The following CAMSAP2 variants were observed in gnomAD, a reference collection of about 807,000 sequenced individuals.
CAMSAP2 encodes calmodulin regulated spectrin associated protein family member 2, also known as calmodulin-regulated spectrin-associated protein 2.
In CAMSAP2, 26 loss-of-function variants were observed where a neutral mutation model predicts 146.1. The ratio of observed to expected loss-of-function variants is 0.18; its 90% CI spans 0.13 to 0.25. The LOEUF (loss-of-function observed/expected upper bound fraction) is 0.25, where lower values mean the gene tolerates loss of function less well. CAMSAP2 is among the 10% of genes least tolerant of loss of function. The pLI is 1.00. For missense variants in CAMSAP2, 1,381 were observed against 1,759.3 expected (o/e 0.78, Z 3.85); for synonymous variants, 499 against 596.6 (o/e 0.84, Z 2.38).
chr1:200,847,992 T>A, intron 10 of CAMSAP2, 40 bp from the exon 11 acceptor site: 2 of 1,299,900 alleles, frequency 1.5e-6, no homozygotes, highest in Non-Finnish European at 1.1e-6. Context: ...AAATCATTTC[T>A]AGGATTTTTA....
At chr1:200,771,427 A>G (rs1047755046) in intron 2 of CAMSAP2, among the ~76,000 whole-genome samples, 3 of 152,232 alleles carry the variant, frequency 2.0e-5, no homozygotes, top group African/African-American at 7.2e-5. Flanking sequence ...TGTTGATTAT[A>G]TTAAAAATTA....
At chr1:200,773,575 A>G (rs1188842557) in intron 2 of CAMSAP2, among the ~76,000 whole-genome samples, 1 of 152,178 alleles carries the variant, frequency 6.6e-6, no homozygotes, top group Non-Finnish European at 1.5e-5. Flanking sequence ...TAAAAAGATA[A>G]AAAGATTTCT....
At chr1:200,799,592 A>G (rs1665982596) in intron 2 of CAMSAP2, among the ~76,000 whole-genome samples, 1 of 151,970 alleles carries the variant, frequency 6.6e-6, no homozygotes, top group East Asian at 1.9e-4. Flanking sequence ...CTAGCAGTCT[A>G]TCTATTTTGT....
chr1:200,750,882 C>A (rs1664484093), intron 1 of CAMSAP2, among the ~76,000 whole-genome samples: 1 of 146,740 alleles, frequency 6.8e-6, no homozygotes, highest in Admixed American at 6.9e-5. Context: ...GGATTATAGG[C>A]ATGAGCCACC....
At chr1:200,766,661 G>C (rs191256640) in intron 2 of CAMSAP2, among the ~76,000 whole-genome samples, 1 of 149,318 alleles carries the variant, frequency 6.7e-6, no homozygotes, top group African/African-American at 2.4e-5. Flanking sequence ...ATTCTTTTTC[G>C]GTTTTTTTTC....
intron 13 of CAMSAP2, among the ~76,000 whole-genome samples, chr1:200,854,440 ACT>A (rs1196888085): frequency 2.0e-5 from 3 of 152,278 alleles, no homozygotes; most frequent in Admixed American, 6.5e-5. Context: ...TTTAAAGAGA[ACT>A]CTGTTTTCAA....
In CAMSAP2 at chr1:200,739,592, AC is replaced by A. The variant is rs1664085664; in HGVS notation, c.-235del. The A allele has an allele frequency of 4.2e-6, 1 of 236,156 alleles. No individual in the cohort carries two copies. Among genetic ancestry groups the A allele is most frequent in the African/African-American group, 2.3e-5 (1 of 42,996 alleles). The allele number at this position is 236,156 out of a possible 1,614,324, so 14.6% of individuals were successfully genotyped here. A position where few individuals can be genotyped will look rare whatever the true frequency, so the allele number is the denominator to read the frequency against. ...ACCTCGCGCGGACGGACGGACGGAG[AC>A]GGCGCCGCCACATTCCTATGCCCGG... On this transcript the variant is annotated 5_prime_UTR_variant, in exon 1 of 17. Coordinates refer to ENST00000358823, the MANE Select transcript of CAMSAP2 (RefSeq NM_203459.4). This position sits in a 1 kb window ranked among gnomAD's most constrained non-coding sequence, Gnocchi z 4.8.
In CAMSAP2 at chr1:200,848,607, A is replaced by G. The variant is rs1040332204; in HGVS notation, c.1838A>G (p.His613Arg). 5.6e-6 allele frequency: 9 copies of G among 1,614,000 alleles called. No homozygotes were observed. Among genetic ancestry groups the G allele is most frequent in the Non-Finnish European group, 7.6e-6 (9 of 1,179,962 alleles). ...TDNTEVDTGI[H>R]VPSEDIPETM... ...AATACTGAAGTAGACACTGGAATTCACGTTCCTTCAGAAGATATTCCTGAA... is the reference window on the plus strand; with the variant it reads ...AATACTGAAGTAGACACTGGAATTCGCGTTCCTTCAGAAGATATTCCTGAA... The change falls in exon 11 of 17, where the codon CAC (histidine) becomes CGC (arginine). Residue 613 changes from histidine (H) to arginine (R), a missense_variant. This residue lies in a region of CAMSAP2 where 447 missense variants were observed against 462.2 expected (regional missense o/e 0.97). Transcript: ENST00000358823.
At chr1:200,787,945 G>A (rs899269103) in intron 2 of CAMSAP2, among the ~76,000 whole-genome samples, 1 of 152,092 alleles carries the variant, frequency 6.6e-6, no homozygotes, top group East Asian at 1.9e-4. Context: ...AATTAAGTTA[G>A]GTACATTGGT....
intron 4 of CAMSAP2, among the ~76,000 whole-genome samples, chr1:200,820,655 T>G (rs1017191080): frequency 1.3e-5 from 2 of 152,160 alleles, no homozygotes; most frequent in African/African-American, 4.8e-5. Context: ...TATAACCCAC[T>G]TTTTTCTCCC....
rs758766397 is a variant in CAMSAP2 at position 200,744,980 on chromosome 1, T to TA, written c.139+5024dup. ...TTAAATTATCCTAAGCACATTGGAT[T>TA]AAAAAAAAAAGAAAAAATACTATTA... On this transcript the variant is annotated intron_variant, in intron 1 of 16. Transcript: ENST00000358823. Among the ~76,000 whole-genome samples, 662 of 148,522 alleles carry TA rather than the reference T, an allele frequency of 4.5e-3. 3 individuals carry two copies. Among genetic ancestry groups the TA allele is most frequent in the African/African-American group, 0.015 (609 of 40,576 alleles).
intron 2 of CAMSAP2, among the ~76,000 whole-genome samples, chr1:200,778,560 A>G (rs1665345775): frequency 6.6e-6 from 1 of 152,130 alleles, no homozygotes; most frequent in African/African-American, 2.4e-5. Flanking sequence ...TGATCATTTG[A>G]CTTTCCTCTC....
chr1:200,786,222 G>T (rs1665585443), intron 2 of CAMSAP2, among the ~76,000 whole-genome samples: 1 of 151,284 alleles, frequency 6.6e-6, no homozygotes, highest in Non-Finnish European at 1.5e-5. Flanking sequence ...ACTAATTTTT[G>T]CTTGTTTTCT....
rs1667650169 is a variant in CAMSAP2, at chr1:200,852,618, A to G, written c.3543A>G (p.Glu1181=). The part of the protein sequence containing the change: ...LLEKRLRREK[E]TQLRKQQLEA... ...AGAAAAGATTAAGAAGGGAAAAGGAAACTCAGCTCCGGAAACAACAGTTGG... is the reference window on the plus strand; with the variant it reads ...AGAAAAGATTAAGAAGGGAAAAGGAGACTCAGCTCCGGAAACAACAGTTGG... The change falls in exon 12 of 17, where the codon GAA becomes GAG. Residue 1181 remains glutamate (E), a synonymous_variant. Transcript: ENST00000358823. 1 of 1,613,950 alleles carries G rather than the reference A, an allele frequency of 6.2e-7. No individual in the cohort carries two copies. Among genetic ancestry groups the G allele is most frequent in the African/African-American group, 1.3e-5 (1 of 75,042 alleles).
chr1:200,756,464 GAAAA>G (rs919266609), intron 1 of CAMSAP2, among the ~76,000 whole-genome samples: 19 of 143,098 alleles, frequency 1.3e-4, no homozygotes, highest in African/African-American at 4.9e-4. Flanking sequence ...AAGAAAAAAA[GAAAA>G]AAAAAAGAAA....
intron 3 of CAMSAP2, 39 bp from the exon 4 acceptor site, chr1:200,815,522 A>G: frequency 9.1e-7 from 1 of 1,102,514 alleles, no homozygotes. Context: ...AAATTCAAAA[A>G]AAGAATAAAA....
chr1:200,810,475 C>T (rs890431754), intron 3 of CAMSAP2, among the ~76,000 whole-genome samples: 2 of 151,494 alleles, frequency 1.3e-5, no homozygotes, highest in African/African-American at 4.9e-5. Flanking sequence ...ACTTGGGAGG[C>T]TGAGGCAGGA....
At chr1:200,809,399 T>C (rs1428445952) in intron 3 of CAMSAP2, among the ~76,000 whole-genome samples, 2 of 152,114 alleles carry the variant, frequency 1.3e-5, no homozygotes, top group Non-Finnish European at 2.9e-5. Flanking sequence ...TACTTTTTAA[T>C]GTACATAAGA....
rs1007195967 is a variant in CAMSAP2, at chr1:200,739,728, T to C, written c.-100T>C. On this transcript the variant is annotated 5_prime_UTR_variant, in exon 1 of 17. It removes an upstream start codon present in the reference 5' UTR. Transcript: ENST00000358823. This position sits in a 1 kb window ranked among gnomAD's most constrained non-coding sequence, Gnocchi z 4.8. ...CGGGCGGACATCGCCCGGGCCCCGA[T>C]GGTTTGAGCTTGCTTCTCCCTCCCT... The C allele has an allele frequency of 5.1e-6, 6 of 1,166,014 alleles. No individual in the cohort carries two copies. Among genetic ancestry groups the C allele is most frequent in the Admixed American group, 2.9e-5 (1 of 35,032 alleles). The allele number at this position is 1,166,014 out of a possible 1,614,324, so 72.2% of individuals were successfully genotyped here.
Sources: allele counts gnomAD v4.1 joint callset (sites outside exome capture counted in the v4.1 genomes callset), GRCh38; gene constraint gnomAD v4.1.1; regional missense constraint gnomAD v4.1.1; non-coding constraint Gnocchi (gnomAD v3.1); transcripts MANE v1.5; gene names NCBI Gene and HGNC (gene_info 2026-07-23, HGNC 2026-07-21).